The following MYO10 variants were observed in gnomAD, a reference collection of about 807,000 sequenced individuals.
MYO10 encodes the protein myosin X.
In MYO10, 133 loss-of-function variants were observed where a neutral mutation model predicts 257.3. The observed-to-expected ratio is 0.52, with a 90% confidence interval of 0.45 to 0.60. The LOEUF (loss-of-function observed/expected upper bound fraction) is 0.60. MYO10 is among the 20% of genes least tolerant of loss of function. The pLI is 0.00. For synonymous variants in MYO10, 1,104 were observed against 1,028.6 expected (o/e 1.07, Z -1.40); for missense variants, 2,399 against 2,635.7 (o/e 0.91, Z 1.97).
chr5:16,886,127 T>C (rs111590358), intron 1 of MYO10, among the ~76,000 whole-genome samples: 1,669 of 152,344 alleles, frequency 0.011, 31 homozygotes, highest in African/African-American at 0.038. Flanking sequence ...GCCACGGCCA[T>C]GTAGGCCCTG....
At chr5:16,885,803 C>G (rs1006569095) in intron 1 of MYO10, among the ~76,000 whole-genome samples, 3 of 152,028 alleles carry the variant, frequency 2.0e-5, no homozygotes, top group Non-Finnish European at 4.4e-5. Context: ...GGGGCACAAC[C>G]CTAAGATTCA....
intron 4 of MYO10, among the ~76,000 whole-genome samples, chr5:16,789,483 C>A (rs1741690105): frequency 6.6e-6 from 1 of 152,100 alleles, no homozygotes; most frequent in Non-Finnish European, 1.5e-5. Flanking sequence ...GGAAGCTGTA[C>A]CAGAAAGTAG....
chr5:16,706,813 A>G (rs1194495194), intron 21 of MYO10, among the ~76,000 whole-genome samples: 1 of 152,244 alleles, frequency 6.6e-6, no homozygotes, highest in Non-Finnish European at 1.5e-5. Context: ...ATCTTTATTT[A>G]CATTCTCCTT....
chr5:16,685,670 C>T (rs1457772698), intron 29 of MYO10, 68 bp downstream of exon 29: 21 of 1,203,328 alleles, frequency 1.7e-5, no homozygotes, highest in East Asian at 2.6e-5. Flanking sequence ...CCCTTTTTTA[C>T]CATCCTGACG....
At chr5:16,815,300 T>G in intron 3 of MYO10, 1 of 530,042 alleles carries the variant, frequency 1.9e-6, no homozygotes. Context: ...TTGGAATATT[T>G]GCATACTATG....
At chr5:16,886,283 G>A (rs1744895057) in intron 1 of MYO10, among the ~76,000 whole-genome samples, 1 of 152,184 alleles carries the variant, frequency 6.6e-6, no homozygotes, top group African/African-American at 2.4e-5. Context: ...GCACATAGTT[G>A]ATAAAGTTGG....
intron 2 of MYO10, among the ~76,000 whole-genome samples, chr5:16,820,952 C>T (rs1742781749): frequency 1.4e-5 from 2 of 146,900 alleles, no homozygotes; most frequent in East Asian, 2.0e-4. Flanking sequence ...ATATATTATA[C>T]ATCTATACAT....
chr5:16,931,006 T>A (rs1746280302), intron 1 of MYO10, among the ~76,000 whole-genome samples: 1 of 152,196 alleles, frequency 6.6e-6, no homozygotes, highest in African/African-American at 2.4e-5. Flanking sequence ...GCATGGTGGC[T>A]CATGCCTGTA....
At chr5:16,718,036 C>T (rs980655704) in intron 19 of MYO10, among the ~76,000 whole-genome samples, 4 of 151,772 alleles carry the variant, frequency 2.6e-5, no homozygotes, top group Non-Finnish European at 5.9e-5. Flanking sequence ...TGGTGGGCCC[C>T]GCACTCGGAG....
intron 2 of MYO10, among the ~76,000 whole-genome samples, chr5:16,845,204 C>T (rs963435914): frequency 4.6e-5 from 7 of 152,064 alleles, no homozygotes; most frequent in African/African-American, 1.4e-4. Context: ...CAGATCCTTA[C>T]TGCTGAATTA....
intron 1 of MYO10, among the ~76,000 whole-genome samples, chr5:16,929,141 A>AC (rs1561065372): frequency 4.0e-5 from 6 of 151,416 alleles, no homozygotes; most frequent in South Asian, 4.2e-4. Flanking sequence ...TTTAGTAGAG[A>AC]TGGGGGTTTC....
At chr5:16,742,122 A>G in intron 19 of MYO10, 2 of 985,366 alleles carry the variant, frequency 2.0e-6, no homozygotes, top group Non-Finnish European at 2.4e-6. Context: ...CTTGATTTTA[A>G]AAGCCAATCA....
rs149377671 is a variant in MYO10, at chr5:16,851,956, C to A, written c.120+25653G>T. ...ATCCCAGCTACTCAGGAGGCTGAGA[C>A]GGAAGAATCGCTTGAACCTGGGAGT... On this transcript the variant is annotated intron_variant, in intron 2 of 40. Coordinates refer to ENST00000513610, the MANE Select transcript of MYO10 (RefSeq NM_012334.3). 7.9e-3 allele frequency among the ~76,000 whole-genome samples: 1,124 copies of A among 142,680 alleles called. 17 individuals carry two copies. Among genetic ancestry groups the A allele is most frequent in the African/African-American group, 0.028 (1,068 of 38,432 alleles). The allele number at this position is 142,680 out of a possible 152,430, so 93.6% of individuals were successfully genotyped here.
At chr5:16,707,757 C>T (rs896942542) in intron 21 of MYO10, among the ~76,000 whole-genome samples, 3 of 152,214 alleles carry the variant, frequency 2.0e-5, no homozygotes, top group African/African-American at 4.8e-5. Flanking sequence ...CAATCTCCTC[C>T]CCACGGGCTG....
At chr5:16,808,450 G>A (rs1391849877) in intron 3 of MYO10, among the ~76,000 whole-genome samples, 5 of 152,066 alleles carry the variant, frequency 3.3e-5, no homozygotes, top group African/African-American at 9.7e-5. Context: ...TCCAGCCTGG[G>A]CAAAAGAGTG....
chr5:16,909,845 A>G (rs575104705), intron 1 of MYO10, among the ~76,000 whole-genome samples: 1 of 151,892 alleles, frequency 6.6e-6, no homozygotes, highest in South Asian at 2.1e-4. Flanking sequence ...GTGAATTCTC[A>G]CTCTTAGTTC....
chr5:16,683,324 A>C (rs1737093558), intron 30 of MYO10, among the ~76,000 whole-genome samples: 1 of 152,176 alleles, frequency 6.6e-6, no homozygotes, highest in South Asian at 2.1e-4. Context: ...AAAAACAGAG[A>C]CAATAAAGAT....
rs537545750 is a variant in MYO10 at position 16,885,013 on chromosome 5, A to G, written c.22-7306T>C. Among the ~76,000 whole-genome samples the G allele has an allele frequency of 2.6e-5, 4 of 152,166 alleles. 1 individual carries two copies. In the South Asian group the frequency reaches 8.3e-4, roughly 32 times the overall value. On this transcript the variant is annotated intron_variant, in intron 1 of 40. Transcript: ENST00000513610. ...GAACTTCAAAAATCCCAACAGATAA[A>G]GTATCGCTGGGGCAGACCTAATTTC...
At chr5:16,893,372 G>A (rs1000095955) in intron 1 of MYO10, among the ~76,000 whole-genome samples, 1 of 151,878 alleles carries the variant, frequency 6.6e-6, no homozygotes, top group Non-Finnish European at 1.5e-5. Context: ...CATGGCTCAC[G>A]CCTGTAATCC....
Sources: gnomAD v4.1 joint callset for allele counts (sites outside exome capture counted in the v4.1 genomes callset) on GRCh38, gnomAD v4.1.1 for gene constraint, MANE v1.5 for transcripts, NCBI Gene and HGNC (gene_info 2026-07-23, HGNC 2026-07-21) for gene names.